Variants in ST6GALNAC3 observed in about 807,000 individuals in gnomAD.
ST6GALNAC3 encodes ST6 N-acetylgalactosaminide alpha-2,6-sialyltransferase 3.
ST6GALNAC3 carries 25 observed loss-of-function variants against 32.7 expected under a neutral mutation model. The observed-to-expected ratio is 0.76, with a 90% CI of 0.56 to 1.07. ST6GALNAC3 has a LOEUF of 1.07. Ranked by LOEUF, ST6GALNAC3 falls within the 50% of genes least tolerant of loss-of-function variation. The pLI is 0.00. For synonymous variants in ST6GALNAC3, 129 were observed against 133.1 expected (o/e 0.97, Z 0.21); for missense variants, 355 against 382.4 (o/e 0.93, Z 0.60).
intron 2 of ST6GALNAC3, among the ~76,000 whole-genome samples, chr1:76,401,467 T>C (rs1362815255): frequency 6.6e-6 from 1 of 152,242 alleles, no homozygotes; most frequent in Non-Finnish European, 1.5e-5. Flanking sequence ...TTTTAGTCTA[T>C]ATCCTGTAAT....
intron 2 of ST6GALNAC3, among the ~76,000 whole-genome samples, chr1:76,365,448 C>T (rs1482177682): frequency 6.6e-6 from 1 of 152,178 alleles, no homozygotes; most frequent in African/African-American, 2.4e-5. Context: ...ATGTAACAAA[C>T]CTGCACGTTT....
intron 2 of ST6GALNAC3, among the ~76,000 whole-genome samples, chr1:76,339,788 A>C (rs552089040): frequency 1.1e-4 from 16 of 152,194 alleles, no homozygotes; most frequent in Admixed American, 7.2e-4. Flanking sequence ...ATAAACTTCC[A>C]AAAAAATACA....
chr1:76,161,611 T>A (rs930970245), intron 1 of ST6GALNAC3, among the ~76,000 whole-genome samples: 2 of 152,202 alleles, frequency 1.3e-5, no homozygotes, highest in African/African-American at 4.8e-5. Flanking sequence ...ATATTGCAGA[T>A]GGGCCGATGC....
chr1:76,298,950 T>C lies in ST6GALNAC3; in HGVS notation c.19-14855T>C, dbSNP rs150541390. Among the ~76,000 whole-genome samples, 445 of 152,146 alleles carry C rather than the reference T, an allele frequency of 2.9e-3. 1 individual carries two copies. Among genetic ancestry groups the C allele is most frequent in the African/African-American group, 9.9e-3 (410 of 41,526 alleles). On this transcript the variant is annotated intron_variant, in intron 1 of 4. Coordinates refer to ENST00000328299, the MANE Select transcript of ST6GALNAC3 (RefSeq NM_152996.4). ...AGGCAGATTTTTTGCAGATAAAAGC[T>C]GCCCTGCGTTGGTGAACTGCTCACC...
At chr1:76,458,807 C>T (rs780043944) in intron 3 of ST6GALNAC3, among the ~76,000 whole-genome samples, 9 of 151,284 alleles carry the variant, frequency 5.9e-5, no homozygotes, top group Non-Finnish European at 1.0e-4. Flanking sequence ...GTGAGTGCAG[C>T]GCACCAACAC....
chr1:76,363,801 A>G (rs1003268216), intron 2 of ST6GALNAC3, among the ~76,000 whole-genome samples: 3 of 152,168 alleles, frequency 2.0e-5, no homozygotes, highest in African/African-American at 7.2e-5. Flanking sequence ...GGCACTTCAC[A>G]TGGCTGAAGC....
chr1:76,238,179 T>C (rs1391718146), intron 1 of ST6GALNAC3, among the ~76,000 whole-genome samples: 1 of 152,212 alleles, frequency 6.6e-6, no homozygotes, highest in African/African-American at 2.4e-5. Context: ...TCTCTCTAGT[T>C]CCCACACTGT....
chr1:76,615,054 T>C (rs1648206864), intron 3 of ST6GALNAC3, among the ~76,000 whole-genome samples: 1 of 152,078 alleles, frequency 6.6e-6, no homozygotes, highest in Admixed American at 6.5e-5. Context: ...GTAAATCATT[T>C]TTCAGGAGTA....
At chr1:76,094,679 A>G (rs1377764808) in intron 1 of ST6GALNAC3, among the ~76,000 whole-genome samples, 1 of 152,178 alleles carries the variant, frequency 6.6e-6, no homozygotes, top group African/African-American at 2.4e-5. Flanking sequence ...TTACATTTCC[A>G]AAGATTGTTC....
intron 1 of ST6GALNAC3, among the ~76,000 whole-genome samples, chr1:76,131,591 C>G (rs1372214224): frequency 6.6e-6 from 1 of 152,190 alleles, no homozygotes; most frequent in Non-Finnish European, 1.5e-5. Flanking sequence ...GGCATTTGGC[C>G]TGCAATAGTC....
At chr1:76,356,691 A>ATCC (rs1649480293) in intron 2 of ST6GALNAC3, among the ~76,000 whole-genome samples, 1 of 151,766 alleles carries the variant, frequency 6.6e-6, no homozygotes, top group African/African-American at 2.4e-5. Context: ...AGAATACATC[A>ATCC]AAAAGCATTC....
rs1656226627 is a variant in ST6GALNAC3, at chr1:76,229,136, C to G, written c.19-84669C>G. Reference sequence around the variant, plus strand: ...AACCTGCAGCAACCCGCCCAGGAAACTGACTCCTTATTCTCAATAAAGAAC... The same window carrying G: ...AACCTGCAGCAACCCGCCCAGGAAAGTGACTCCTTATTCTCAATAAAGAAC... On this transcript the variant is annotated intron_variant, in intron 1 of 4. Transcript: ENST00000328299. Among the ~76,000 whole-genome samples, 3 of 152,270 alleles carry G rather than the reference C, an allele frequency of 2.0e-5. No individual in the cohort carries two copies. The South Asian group carries it at 6.2e-4, about 32-fold the overall frequency.
At chr1:76,375,959 G>A (rs577517216) in intron 2 of ST6GALNAC3, among the ~76,000 whole-genome samples, 1 of 152,084 alleles carries the variant, frequency 6.6e-6, no homozygotes, top group Admixed American at 6.6e-5. Context: ...ATTTATATAT[G>A]AAGAGACTAT....
intron 3 of ST6GALNAC3, among the ~76,000 whole-genome samples, chr1:76,536,870 T>G (rs1164565455): frequency 1.3e-5 from 2 of 152,030 alleles, no homozygotes; most frequent in East Asian, 3.9e-4. Flanking sequence ...AGACTTAGAC[T>G]CCCACACACT....
intron 1 of ST6GALNAC3, among the ~76,000 whole-genome samples, chr1:76,202,220 C>T (rs1353940808): frequency 6.6e-6 from 1 of 151,378 alleles, no homozygotes; most frequent in Non-Finnish European, 1.5e-5. Flanking sequence ...ATTGATGCTT[C>T]CAAGCCAATT....
chr1:76,397,571 A>G (rs1239886765), intron 2 of ST6GALNAC3, among the ~76,000 whole-genome samples: 1 of 151,252 alleles, frequency 6.6e-6, no homozygotes, highest in Admixed American at 6.6e-5. Flanking sequence ...ATGGGGTTTC[A>G]CCATTTTGGC....
chr1:76,161,971 C>T (rs756285934), intron 1 of ST6GALNAC3, among the ~76,000 whole-genome samples: 7 of 152,192 alleles, frequency 4.6e-5, no homozygotes, highest in East Asian at 3.9e-4. Context: ...AGTTGGAAAT[C>T]GACATTTGCC....
At chr1:76,267,967 G>T (rs1425322276) in intron 1 of ST6GALNAC3, among the ~76,000 whole-genome samples, 1 of 152,188 alleles carries the variant, frequency 6.6e-6, no homozygotes, top group African/African-American at 2.4e-5. Flanking sequence ...ATCTAACTGA[G>T]CAACCAAAAT....
intron 1 of ST6GALNAC3, among the ~76,000 whole-genome samples, chr1:76,283,963 A>G (rs1659638785): frequency 6.6e-6 from 1 of 152,122 alleles, no homozygotes; most frequent in Admixed American, 6.5e-5. Flanking sequence ...CTTTATCATT[A>G]TGTTATTAGG....
Sources: gnomAD v4.1 joint callset for allele counts (sites outside exome capture counted in the v4.1 genomes callset) on GRCh38, gnomAD v4.1.1 for gene constraint, MANE v1.5 for transcripts, NCBI Gene and HGNC (gene_info 2026-07-23, HGNC 2026-07-21) for gene names.